The following VSX1 variants were observed in gnomAD, a reference collection of about 807,000 sequenced individuals.
VSX1 encodes visual system homeobox 1, also known as homeodomain protein RINX.
Under a neutral mutation model 23.6 loss-of-function variants are expected in VSX1, and 23 were observed. That is an observed-to-expected ratio of 0.97 (90% CI 0.70 to 1.38). VSX1 has a LOEUF of 1.38. Ranked by LOEUF, VSX1 falls within the 40% of genes most tolerant of loss-of-function variation. VSX1 has a pLI of 0.00. For missense variants in VSX1, 517 were observed against 495.4 expected (o/e 1.04, Z -0.41); for synonymous variants, 247 against 215.1 (o/e 1.15, Z -1.30).
intron 3 of VSX1, 95 bp from the exon 4 acceptor site, chr20:25,077,960 C>T (rs1277828565): frequency 7.0e-7 from 1 of 1,419,416 alleles, no homozygotes; most frequent in Non-Finnish European, 9.7e-7. Flanking sequence ...CTCGGATCTT[C>T]TCTCCCGAGC....
chr20:25,081,854 TC>T lies in VSX1; in HGVS notation c.242del (p.Gly81AspfsTer23). 6.6e-7 allele frequency: 1 copy of T among 1,521,398 alleles called. No individual in the cohort carries two copies. The highest frequency in any genetic ancestry group is 8.8e-7 in the Non-Finnish European group (1 of 1,142,048). The allele number at this position is 1,521,398 out of a possible 1,614,324, so 94.2% of individuals were successfully genotyped here. Reference protein sequence around the residue: ...SSLARGALPLGLGLLCGFGTQ... With the variant: ...SSLARGALPLXLGLLCGFGTQ... ...TGCCGAAGCCACAGAGGAGGCCGAG[TC>T]CCAGCGGTAGGGCCCCACGCGCCAG... On this transcript the variant is annotated frameshift_variant, in exon 1 of 5. Transcript: ENST00000376709. LOFTEE classifies it high-confidence loss of function.
chr20:25,076,726 G>A (rs73331224), intron 4 of VSX1, among the ~76,000 whole-genome samples, 176 bp from the exon 5 acceptor site: 4,061 of 152,282 alleles, frequency 0.027, 174 homozygotes, highest in African/African-American at 0.093. Flanking sequence ...GTTTAAAGCA[G>A]GTGTCTGACC....
chr20:25,078,066 G>A (rs1243549487), intron 3 of VSX1: 3 of 658,918 alleles, frequency 4.6e-6, no homozygotes, highest in Admixed American at 5.7e-5. Context: ...GCCCACGTGC[G>A]GTCCGGACTC....
chr20:25,079,921 T>A (rs993140344), intron 1 of VSX1, among the ~76,000 whole-genome samples: 2 of 152,074 alleles, frequency 1.3e-5, no homozygotes, highest in African/African-American at 2.4e-5. Flanking sequence ...TCCAAACACA[T>A]CCACCCCTAT....
chr20:25,078,755 G>A, intron 3 of VSX1, 74 bp downstream of exon 3: 3 of 1,614,126 alleles, frequency 1.9e-6, no homozygotes, highest in Non-Finnish European at 2.5e-6. Flanking sequence ...AGGGACTGCT[G>A]ATTGGCTCAC....
intron 1 of VSX1, among the ~76,000 whole-genome samples, chr20:25,080,341 T>C (rs2089613176): frequency 6.6e-6 from 1 of 152,246 alleles, no homozygotes; most frequent in East Asian, 1.9e-4. Context: ...GATTAAAACA[T>C]TCTGTATTGG....
chr20:25,078,550 TTTTTTTTTTTTC>T, intron 3 of VSX1: 1 of 1,235,716 alleles, frequency 8.1e-7, no homozygotes, highest in South Asian at 2.0e-5. Flanking sequence ...GTAGTCTCTT[TTTTTTTTTTTTC>T]ATTGACATAT....
chr20:25,077,217 A>T (rs1207750206), intron 4 of VSX1, among the ~76,000 whole-genome samples: 1 of 152,184 alleles, frequency 6.6e-6, no homozygotes, highest in Admixed American at 6.5e-5. Context: ...TCTAAGGGAC[A>T]GAAAAGCCAC....
chr20:25,078,816 G>A lies in VSX1; in HGVS notation c.627+13C>T, dbSNP rs2089569799. The A allele has an allele frequency of 6.2e-7, 1 of 1,613,996 alleles. No individual in the cohort carries two copies. Among genetic ancestry groups the A allele is most frequent in the African/African-American group, 1.3e-5 (1 of 74,896 alleles). On this transcript the variant is annotated intron_variant, in intron 3 of 4. Coordinates refer to ENST00000376709, the MANE Select transcript of VSX1 (RefSeq NM_014588.6). ...GTGGTATCTTTGGAGCGGAGAAAAG[G>A]GACCCCAGACACCTGTATCCGGTCT...
Position 25,077,734 on chromosome 20 carries a change from G to A in VSX1, c.759C>T (p.Leu253=). The A allele has an allele frequency of 6.4e-7, 1 of 1,550,498 alleles. No individual in the cohort carries two copies. Among genetic ancestry groups the A allele is most frequent in the Non-Finnish European group, 8.7e-7 (1 of 1,146,928 alleles). The change falls in exon 4 of 5, where the codon CTC becomes CTT. Residue 253 remains leucine, a synonymous_variant. Coordinates refer to ENST00000376709, the MANE Select transcript of VSX1 (RefSeq NM_014588.6). ...CCAGCAGGCCGCCCTCGGCGGAGTT[G>A]AGCACGGAGTCTGGCAGCGGGATGC... is the stretch of plus-strand genomic sequence containing the variant. ...RHCIPLPDSV[L]NSAEGGLLGS... is the part of the protein sequence containing the mutation.
chr20:25,081,510 G>T, intron 1 of VSX1, 163 bp downstream of exon 1: 1 of 1,082,204 alleles, frequency 9.2e-7, no homozygotes, highest in Non-Finnish European at 1.4e-6. Flanking sequence ...GGCAGGCGGC[G>T]CAGCTCCGCG....
intron 4 of VSX1, 113 bp from the exon 5 acceptor site, chr20:25,076,663 T>G: frequency 4.7e-6 from 6 of 1,273,842 alleles, no homozygotes; most frequent in Non-Finnish European, 6.4e-6. Context: ...TCCTTGTCAG[T>G]GCCTATCTCT....
At chr20:25,078,570 T>A in intron 3 of VSX1, 3 of 1,320,246 alleles carry the variant, frequency 2.3e-6, no homozygotes, top group South Asian at 2.0e-5. Flanking sequence ...TTCATTGACA[T>A]ATCTTTATAG....
chr20:25,080,371 C>T (rs920504179), intron 1 of VSX1, among the ~76,000 whole-genome samples: 1 of 152,178 alleles, frequency 6.6e-6, no homozygotes, highest in African/African-American at 2.4e-5. Flanking sequence ...CCTGATGAGA[C>T]ATGAGACACA....
At chr20:25,078,808 G>T in intron 3 of VSX1, 21 bp downstream of exon 3, 1 of 1,614,140 alleles carries the variant, frequency 6.2e-7, no homozygotes, top group Non-Finnish European at 8.5e-7. Flanking sequence ...CTTTGGAGCG[G>T]AGAAAAGGGA....
intron 1 of VSX1, among the ~76,000 whole-genome samples, chr20:25,081,115 G>T (rs577930024): frequency 2.0e-5 from 3 of 152,252 alleles, no homozygotes; most frequent in African/African-American, 7.2e-5. Flanking sequence ...CTGCACAGGG[G>T]ACTGGGAGGA....
intron 1 of VSX1, among the ~76,000 whole-genome samples, chr20:25,080,529 T>C (rs1600387620): frequency 6.6e-6 from 1 of 152,246 alleles, no homozygotes; most frequent in African/African-American, 2.4e-5. Flanking sequence ...TTTGCTATCA[T>C]TGTTGGGTTA....
downstream of VSX1, chr20:25,072,103 C>A (rs144022074): frequency 3.4e-6 from 2 of 592,006 alleles, no homozygotes; most frequent in Admixed American, 3.2e-5. Context: ...TGAGAGAGAG[C>A]GAGAGACTGT....
intron 4 of VSX1, among the ~76,000 whole-genome samples, chr20:25,077,207 T>C (rs2089516728): frequency 6.6e-6 from 1 of 151,974 alleles, no homozygotes; most frequent in Non-Finnish European, 1.5e-5. Context: ...GCACCAAAAA[T>C]CTAAGGGACA....
Sources: gnomAD v4.1 joint callset for allele counts (sites outside exome capture counted in the v4.1 genomes callset) on GRCh38, gnomAD v4.1.1 for gene constraint, MANE v1.5 for transcripts, NCBI Gene and HGNC (gene_info 2026-07-23, HGNC 2026-07-21) for gene names.